Variants in COTL1 observed in about 807,000 individuals in gnomAD.
COTL1 encodes the protein coactosin-like protein.
Under a neutral mutation model 16.5 loss-of-function variants are expected in COTL1, and 15 were observed. The observed-to-expected ratio is 0.91, with a 90% CI of 0.61 to 1.40. COTL1 has a LOEUF of 1.40. Ranked by LOEUF, COTL1 falls within the 40% of genes most tolerant of loss-of-function variation. COTL1 has a pLI of 0.00. For missense variants in COTL1, 220 were observed against 201.5 expected, an observed-to-expected ratio of 1.09 and a Z score of -0.56; for synonymous variants, 112 against 85.3, an observed-to-expected ratio of 1.31 and a Z score of -1.73.
intron 2 of COTL1, among the ~76,000 whole-genome samples, chr16:84,600,029 G>A (rs1488141099): frequency 1.3e-5 from 2 of 152,146 alleles, no homozygotes; most frequent in African/African-American, 4.8e-5. Flanking sequence ...AAGAGGGAGG[G>A]GGCCTGAGGC....
At chr16:84,591,594 G>A (rs1241147479) in intron 2 of COTL1, among the ~76,000 whole-genome samples, 4 of 130,528 alleles carry the variant, frequency 3.1e-5, no homozygotes, top group Non-Finnish European at 6.2e-5. Flanking sequence ...CAGCCCAAGA[G>A]CTTGAGACCA....
chr16:84,595,494 T>C (rs1904979779), intron 2 of COTL1: 1 of 152,190 alleles, frequency 6.6e-6, no homozygotes, highest in Non-Finnish European at 1.5e-5. Context: ...GACCTCACAC[T>C]GGGCAGTGGA....
Position 84,618,005 on chromosome 16 carries a change from G to C in COTL1, c.-91C>G. 1 of 803,520 alleles carries C rather than the reference G, an allele frequency of 1.2e-6. No individual in the cohort carries two copies. Among genetic ancestry groups the C allele is most frequent in the East Asian group, 4.5e-5 (1 of 22,014 alleles). 49.8% of individuals were successfully genotyped at this position (803,520 alleles called of 1,614,324 possible). On this transcript the variant is annotated 5_prime_UTR_variant, in exon 1 of 4. Coordinates refer to ENST00000262428, the MANE Select transcript of COTL1 (RefSeq NM_021149.5). ...TGGGAGCGCGGCGGGTACGCGCCGA[G>C]GGCGCACGGGCTGGCGGCGGTGGCG...
chr16:84,615,841 G>C (rs974331421), intron 2 of COTL1, among the ~76,000 whole-genome samples: 4 of 125,010 alleles, frequency 3.2e-5, no homozygotes, highest in Non-Finnish European at 7.0e-5. Flanking sequence ...CGCTCAAGGA[G>C]TAATTTTAGT....
At chr16:84,596,741 C>G (rs1905013929) in intron 2 of COTL1, 1 of 152,690 alleles carries the variant, frequency 6.5e-6, no homozygotes, top group Non-Finnish European at 1.5e-5. Context: ...CCCCAGGGTT[C>G]CACCTCATCC....
chr16:84,614,189 C>G (rs534020013), intron 2 of COTL1, among the ~76,000 whole-genome samples: 1 of 152,218 alleles, frequency 6.6e-6, no homozygotes, highest in Non-Finnish European at 1.5e-5. Context: ...TCACCGCCCT[C>G]GCAAGGTCTC....
intron 3 of COTL1, among the ~76,000 whole-genome samples, chr16:84,574,307 T>G (rs918452032): frequency 6.6e-6 from 1 of 152,212 alleles, no homozygotes; most frequent in Admixed American, 6.5e-5. Context: ...GGGGCTGCTC[T>G]AGACTGCCAA....
intron 2 of COTL1, among the ~76,000 whole-genome samples, chr16:84,593,279 G>A (rs572383502): frequency 2.6e-4 from 39 of 152,304 alleles, no homozygotes; most frequent in Admixed American, 9.8e-4. Context: ...AAGGAAGGAT[G>A]GTCTCAGGGA....
intron 3 of COTL1, among the ~76,000 whole-genome samples, chr16:84,585,962 G>A (rs1363777095): frequency 1.3e-5 from 2 of 152,168 alleles, no homozygotes; most frequent in Non-Finnish European, 2.9e-5. Context: ...TCTAACAACT[G>A]GGATCACGCT....
At chr16:84,585,936 C>T (rs1479791029) in intron 3 of COTL1, among the ~76,000 whole-genome samples, 4 of 152,230 alleles carry the variant, frequency 2.6e-5, no homozygotes, top group Admixed American at 1.3e-4. Context: ...CTTCTTCATT[C>T]ACCAGCATCC....
At chr16:84,603,582 G>A (rs924046035) in intron 2 of COTL1, among the ~76,000 whole-genome samples, 3 of 130,700 alleles carry the variant, frequency 2.3e-5, no homozygotes, top group Non-Finnish European at 4.9e-5. Context: ...GAAGTGTTGG[G>A]AAGCGCTAGG....
chr16:84,601,029 C>G (rs1429050071), intron 2 of COTL1, among the ~76,000 whole-genome samples: 1 of 152,200 alleles, frequency 6.6e-6, no homozygotes, highest in East Asian at 1.9e-4. Flanking sequence ...GGCTGTAAAG[C>G]AGTCCCTGGA....
chr16:84,609,586 C>G (rs959158135), intron 2 of COTL1, among the ~76,000 whole-genome samples: 1 of 152,240 alleles, frequency 6.6e-6, no homozygotes, highest in Non-Finnish European at 1.5e-5. Context: ...GGGCCTCTTC[C>G]TCTCCAGGTC....
intron 3 of COTL1, among the ~76,000 whole-genome samples, chr16:84,570,527 T>C (rs1256270017): frequency 1.3e-5 from 2 of 149,792 alleles, no homozygotes; most frequent in East Asian, 3.9e-4. Flanking sequence ...CAGAGACATA[T>C]TTAAAATCAA....
chr16:84,604,564 T>C (rs1905172920), intron 2 of COTL1, among the ~76,000 whole-genome samples: 1 of 151,886 alleles, frequency 6.6e-6, no homozygotes, highest in African/African-American at 2.4e-5. Context: ...TCAGTTTATA[T>C]GTGTTGGGGG....
At position 84,571,058 on chromosome 16, in the gene COTL1, G is replaced by A. The variant is rs149826200; in HGVS notation, c.319-4103C>T. 4.0e-4 allele frequency among the ~76,000 whole-genome samples: 61 copies of A among 151,774 alleles called. No homozygotes were observed. The East Asian group carries it at 0.011, about 27-fold the overall frequency. ...CATGGCCATGCTCTAGGCCCCTTTAGAACAGACCCCAGATTCTCTGTTCGG... is the reference window on the plus strand; with the variant it reads ...CATGGCCATGCTCTAGGCCCCTTTAAAACAGACCCCAGATTCTCTGTTCGG... On this transcript the variant is annotated intron_variant, in intron 3 of 3. Coordinates refer to ENST00000262428, the MANE Select transcript of COTL1 (RefSeq NM_021149.5).
chr16:84,601,024 TA>T (rs11347164), intron 2 of COTL1, among the ~76,000 whole-genome samples: 19,720 of 152,096 alleles, frequency 0.13, 1,357 homozygotes, highest in East Asian at 0.22. Flanking sequence ...AGAGTGGCTG[TA>T]AAGCAGTCCC....
chr16:84,584,503 C>T (rs80108399), intron 3 of COTL1, among the ~76,000 whole-genome samples: 22 of 152,306 alleles, frequency 1.4e-4, no homozygotes, highest in African/African-American at 5.1e-4. Flanking sequence ...GTGTGCCGGC[C>T]ACAGGTGAAG....
chr16:84,609,488 T>C (rs1335747747), intron 2 of COTL1, among the ~76,000 whole-genome samples: 1 of 152,166 alleles, frequency 6.6e-6, no homozygotes, highest in Non-Finnish European at 1.5e-5. Flanking sequence ...TTCTTCAACA[T>C]CTATGCCAAG....
Sources: gnomAD v4.1 joint callset for allele counts (sites outside exome capture counted in the v4.1 genomes callset) on GRCh38, gnomAD v4.1.1 for gene constraint, MANE v1.5 for transcripts, NCBI Gene and HGNC (gene_info 2026-07-23, HGNC 2026-07-21) for gene names.